Variants in STXBP5L observed in about 807,000 individuals in gnomAD.
STXBP5L encodes the protein syntaxin binding protein 5L, also known as syntaxin-binding protein 5-like.
In STXBP5L, 65 loss-of-function variants were observed where a neutral mutation model predicts 144.5. That is an observed-to-expected ratio of 0.45 (90% CI 0.37 to 0.55). The LOEUF (loss-of-function observed/expected upper bound fraction) is 0.55. STXBP5L is among the 20% of genes least tolerant of loss of function. STXBP5L has a pLI of 0.00. For synonymous variants in STXBP5L, 505 were observed against 469.6 expected (o/e 1.08, Z -0.97); for missense variants, 1,298 against 1,405.5 (o/e 0.92, Z 1.22).
intron 20 of STXBP5L, among the ~76,000 whole-genome samples, chr3:121,319,557 G>C (rs941970246): frequency 1.3e-5 from 2 of 151,986 alleles, no homozygotes; most frequent in African/African-American, 4.8e-5. Context: ...TGTAAAGACT[G>C]TCTCATATGT....
At chr3:121,190,984 C>T (rs566788820) in intron 9 of STXBP5L, among the ~76,000 whole-genome samples, 11 of 151,946 alleles carry the variant, frequency 7.2e-5, no homozygotes, top group South Asian at 4.2e-4. Context: ...AGACGATGGG[C>T]GGCTGGGCAG....
chr3:121,157,458 A>C (rs370805981), intron 8 of STXBP5L, 46 bp from the exon 9 acceptor site: 4 of 1,525,548 alleles, frequency 2.6e-6, no homozygotes, highest in Non-Finnish European at 3.5e-6. Context: ...GATATAACCT[A>C]TCTACTTTTT....
At chr3:121,200,843 A>G (rs541870565) in intron 9 of STXBP5L, among the ~76,000 whole-genome samples, 2 of 152,184 alleles carry the variant, frequency 1.3e-5, no homozygotes, top group Non-Finnish European at 2.9e-5. Context: ...CTGTGGTCTG[A>G]GAGACTGTTT....
At chr3:121,029,879 A>G (rs1009705209) in intron 3 of STXBP5L, among the ~76,000 whole-genome samples, 3 of 152,166 alleles carry the variant, frequency 2.0e-5, no homozygotes, top group Non-Finnish European at 4.4e-5. Context: ...ATATGAACAG[A>G]GACTTCTCAA....
At chr3:120,950,497 A>C (rs1009040488) in intron 2 of STXBP5L, among the ~76,000 whole-genome samples, 1 of 151,996 alleles carries the variant, frequency 6.6e-6, no homozygotes, top group African/African-American at 2.4e-5. Context: ...TGTTATTATG[A>C]GTCTCTTGGA....
intron 18 of STXBP5L, among the ~76,000 whole-genome samples, chr3:121,262,336 A>G (rs2050410635): frequency 6.6e-6 from 1 of 152,236 alleles, no homozygotes; most frequent in South Asian, 2.1e-4. Flanking sequence ...AGTCTCATCA[A>G]AATATCATCT....
intron 14 of STXBP5L, among the ~76,000 whole-genome samples, chr3:121,248,049 TTTTC>T (rs966634995): frequency 2.6e-5 from 4 of 152,208 alleles, no homozygotes; most frequent in African/African-American, 9.6e-5. Context: ...TGTGTTTTGA[TTTTC>T]TTTTTTTTTC....
chr3:121,120,922 A>G (rs995746519), intron 6 of STXBP5L, among the ~76,000 whole-genome samples: 1 of 151,258 alleles, frequency 6.6e-6, no homozygotes, highest in African/African-American at 2.4e-5. Context: ...TGACATAATC[A>G]TTTTCAAAGT....
intron 20 of STXBP5L, among the ~76,000 whole-genome samples, chr3:121,335,124 T>A (rs2044459880): frequency 1.3e-5 from 2 of 152,206 alleles, no homozygotes; most frequent in South Asian, 4.2e-4. Context: ...GATACAAGAA[T>A]CAATGTACAA....
chr3:121,055,971 G>A (rs533114175), intron 5 of STXBP5L, among the ~76,000 whole-genome samples: 24 of 152,080 alleles, frequency 1.6e-4, no homozygotes, highest in South Asian at 1.2e-3. Flanking sequence ...GGGATTAGAG[G>A]CATGAGCCAC....
chr3:121,371,644 G>A (rs531778154), intron 20 of STXBP5L, among the ~76,000 whole-genome samples: 1 of 152,332 alleles, frequency 6.6e-6, no homozygotes, highest in South Asian at 2.1e-4. Flanking sequence ...GTGTGGACCA[G>A]GGGCCCCTGT....
chr3:121,201,610 T>A (rs1330267672), intron 9 of STXBP5L, among the ~76,000 whole-genome samples: 1 of 152,114 alleles, frequency 6.6e-6, no homozygotes, highest in African/African-American at 2.4e-5. Context: ...ACAGTGTCAT[T>A]GGTCTTTATA....
chr3:121,352,594 G>C (rs2045333548), intron 20 of STXBP5L, among the ~76,000 whole-genome samples: 1 of 152,024 alleles, frequency 6.6e-6, no homozygotes, highest in African/African-American at 2.4e-5. Flanking sequence ...TGAGACAATG[G>C]GGTTTTCTAA....
intron 5 of STXBP5L, among the ~76,000 whole-genome samples, chr3:121,113,257 T>C (rs1423949356): frequency 6.6e-6 from 1 of 152,176 alleles, no homozygotes; most frequent in Non-Finnish European, 1.5e-5. Flanking sequence ...TTTAATGGGA[T>C]TAGTGTTTTT....
At chr3:121,235,859 A>ACT (rs2049463733) in intron 12 of STXBP5L, among the ~76,000 whole-genome samples, 1 of 151,790 alleles carries the variant, frequency 6.6e-6, no homozygotes, top group African/African-American at 2.4e-5. Context: ...ACACACACAC[A>ACT]CACACTATAT....
intron 20 of STXBP5L, among the ~76,000 whole-genome samples, chr3:121,323,145 T>C (rs567725699): frequency 1.7e-4 from 26 of 152,304 alleles, no homozygotes; most frequent in African/African-American, 6.0e-4. Flanking sequence ...CTGTAGTTTG[T>C]CTGTCCACCC....
chr3:121,362,442 A>G (rs981196676), intron 20 of STXBP5L, among the ~76,000 whole-genome samples: 1 of 152,140 alleles, frequency 6.6e-6, no homozygotes, highest in Non-Finnish European at 1.5e-5. Flanking sequence ...GGCACTCAAA[A>G]CACAAGACAG....
chr3:120,977,810 G>A (rs1576548581), intron 3 of STXBP5L, among the ~76,000 whole-genome samples: 1 of 152,260 alleles, frequency 6.6e-6, no homozygotes, highest in Admixed American at 6.5e-5. Flanking sequence ...ATGAAGCTTA[G>A]TTTGGCTGGA....
intron 5 of STXBP5L, among the ~76,000 whole-genome samples, chr3:121,105,300 G>A (rs1349654005): frequency 3.3e-5 from 5 of 152,070 alleles, no homozygotes; most frequent in South Asian, 2.1e-4. Context: ...GGAGGCTGAG[G>A]CAGGAGAATC....
Sources: gnomAD v4.1 joint callset for allele counts (sites outside exome capture counted in the v4.1 genomes callset) on GRCh38, gnomAD v4.1.1 for gene constraint, MANE v1.5 for transcripts, NCBI Gene and HGNC (gene_info 2026-07-23, HGNC 2026-07-21) for gene names.